ARMCX1: variants seen among roughly 807,000 people sequenced by gnomAD.
ARMCX1 encodes the protein armadillo repeat containing X-linked 1, also known as armadillo repeat-containing X-linked protein 1.
A neutral mutation model predicts 15.4 loss-of-function variants in ARMCX1; 4 were observed. That is an observed-to-expected ratio of 0.26 (90% CI 0.13 to 0.59). The LOEUF is 0.59. Among genes scored for constraint, ARMCX1 ranks in the 20% least tolerant of loss-of-function variants. ARMCX1 has a pLI of 0.89. For missense variants in ARMCX1, 273 were observed against 337.1 expected, an observed-to-expected ratio of 0.81 and a Z score of 1.49; for synonymous variants, 144 against 130.5, an observed-to-expected ratio of 1.10 and a Z score of -0.71.
chrX:101,552,721 G>A, intron 3 of ARMCX1, 88 bp from the exon 4 acceptor site: 1 of 392,972 alleles, frequency 2.5e-6, no homozygotes, highest in East Asian at 4.0e-5. Context: ...ATTTTTGTAC[G>A]TTTGTTTGTT....
chrX:101,553,696 A>G lies in ARMCX1; in HGVS notation c.766A>G (p.Ile256Val). The change falls in exon 4 of 4, where the codon ATA becomes GTA. Residue 256 changes from isoleucine to valine, a missense_variant. Around this residue, in one of 2 missense-constraint regions of ARMCX1, gnomAD observed 126 missense variants for 193.6 expected, o/e 0.65. Coordinates refer to ENST00000372829, the MANE Select transcript of ARMCX1 (RefSeq NM_016608.2). ...LGGVPIIAKL[I>V]KTKDPIIREK... ...TGGTGTCCCAATTATTGCAAAACTGATAAAAACAAAAGACCCCATAATTAG... is the reference window on the plus strand; with the variant it reads ...TGGTGTCCCAATTATTGCAAAACTGGTAAAAACAAAAGACCCCATAATTAG... 2 of 1,211,406 alleles carry G rather than the reference A, an allele frequency of 1.7e-6. No individual in the cohort carries two copies. Among genetic ancestry groups the G allele is most frequent in the Non-Finnish European group, 2.2e-6 (2 of 895,381 alleles).
Position 101,554,020 on chromosome X carries a change from C to T in ARMCX1, c.1090C>T (p.Leu364=), listed in dbSNP as rs1935409726. 8.3e-7 allele frequency: 1 copy of T among 1,211,236 alleles called. No individual in the cohort carries two copies. The highest frequency in any genetic ancestry group is 1.7e-5 in the African/African-American group (1 of 57,838). ...TGAAAATCCAGCCATGACAAGAGAGCTGGTCAGTTGTAAAGTACCATCAGA... is the reference window on the plus strand; with the variant it reads ...TGAAAATCCAGCCATGACAAGAGAGTTGGTCAGTTGTAAAGTACCATCAGA... ...FTENPAMTRE[L]VSCKVPSELI... is the part of the protein sequence containing the mutation. The change falls in exon 4 of 4, where the codon CTG becomes TTG. Residue 364 remains leucine (L), a synonymous_variant. Transcript: ENST00000372829.
chrX:101,553,163 C>T lies in ARMCX1; in HGVS notation c.233C>T (p.Pro78Leu). The T allele has an allele frequency of 5.0e-6, 6 of 1,211,890 alleles. No homozygotes were observed. Among genetic ancestry groups the T allele is most frequent in the Non-Finnish European group, 6.7e-6 (6 of 895,532 alleles). Residue 78 changes from proline (P) to leucine (L), a missense_variant, in exon 4 of 4, where the codon CCT (proline) becomes CTT (leucine). Physicochemically the swap from Pro to Leu is moderately conservative, Grantham distance 98. Transcript: ENST00000372829. ...AKLQGDSEVK[P>L]EVSLGLEDCP... Reference sequence around the variant, plus strand: ...CTTCAGGGTGATTCAGAGGTCAAGCCTGAGGTGAGTTTGGGACTCGAGGAT... The same window carrying T: ...CTTCAGGGTGATTCAGAGGTCAAGCTTGAGGTGAGTTTGGGACTCGAGGAT...
intron 3 of ARMCX1, among the ~76,000 whole-genome samples, chrX:101,552,283 G>A (rs1556027083): frequency 9.0e-6 from 1 of 110,594 alleles, no homozygotes; most frequent in Non-Finnish European, 1.9e-5. Context: ...TTCCAAAGCC[G>A]CAGCTCTGTG....
Position 101,554,461 on chromosome X carries a change from G to T in ARMCX1, c.*169G>T. 1 of 478,497 alleles carries T rather than the reference G, an allele frequency of 2.1e-6. No individual in the cohort carries two copies. The allele number at this position is 478,497 out of a possible 1,213,427, so 39.4% of individuals were successfully genotyped here. ...GTGACTGATGTTGGTTGTAATGGTT[G>T]GGTTTAGGATGAACCATTTTAAGGA... is the stretch of plus-strand genomic sequence containing the variant. On this transcript the variant is annotated 3_prime_UTR_variant, in exon 4 of 4. Transcript: ENST00000372829.
rs782733744 is a variant in ARMCX1 at position 101,553,437 on chromosome X, C to T, written c.507C>T (p.Ser169=). Residue 169 remains serine (S), a synonymous_variant, in exon 4 of 4, where the codon TCC becomes TCT. Coordinates refer to ENST00000372829, the MANE Select transcript of ARMCX1 (RefSeq NM_016608.2). ...CCGGGGGCAGGGCAAGTGGAAAATC[C>T]AAGGGAAAGGCCCGAAGTAAGAGCA... is the stretch of plus-strand genomic sequence containing the variant. ...SRAGGRASGK[S]KGKARSKSTR... 3.9e-5 allele frequency: 47 copies of T among 1,198,612 alleles called. 1 individual carries two copies. The Admixed American group carries it at 1.0e-3, about 26-fold the overall frequency.
In ARMCX1 at chrX:101,553,518, T is replaced by C. The variant is rs782561018; in HGVS notation, c.588T>C (p.Tyr196=). Residue 196 remains tyrosine, a synonymous_variant, in exon 4 of 4, where the codon TAT becomes TAC. Transcript: ENST00000372829. ...GGAGAGGCAAGTTCAACTTTCCTTA[T>C]AAAATTGATGATATTCTGAGTGCTC... ...PVRRGKFNFP[Y]KIDDILSAPD... 4.1e-6 allele frequency: 5 copies of C among 1,211,387 alleles called. No homozygotes were observed. Among genetic ancestry groups the C allele is most frequent in the Non-Finnish European group, 5.6e-6 (5 of 895,261 alleles).
Position 101,553,593 on chromosome X carries a change from T to G in ARMCX1, c.663T>G (p.Phe221Leu). The part of the protein sequence containing the change: ...LNILERTNDP[F>L]IQEVALVTLG... ...TCCTGGAGCGAACAAATGATCCTTT[T>G]ATTCAAGAAGTAGCCTTGGTCACTC... is the stretch of plus-strand genomic sequence containing the variant. The change falls in exon 4 of 4, where the codon TTT (phenylalanine) becomes TTG (leucine). Residue 221 changes from phenylalanine (F) to leucine (L), a missense_variant. By Grantham distance (22) the Phe-to-Leu change is conservative (BLOSUM62 0). Transcript: ENST00000372829. The G allele has an allele frequency of 1.7e-6, 2 of 1,211,830 alleles. No individual in the cohort carries two copies. The highest frequency in any genetic ancestry group is 3.5e-5 in the African/African-American group (2 of 57,913).
Position 101,553,717 on chromosome X carries a change from A to G in ARMCX1, c.787A>G (p.Ile263Val). 8.3e-7 allele frequency: 1 copy of G among 1,211,064 alleles called. No homozygotes were observed. The highest frequency in any genetic ancestry group is 1.1e-6 in the Non-Finnish European group (1 of 895,173). The change falls in exon 4 of 4, where the codon ATT becomes GTT. Residue 263 changes from isoleucine (I) to valine (V), a missense_variant. Coordinates refer to ENST00000372829, the MANE Select transcript of ARMCX1 (RefSeq NM_016608.2). The part of the protein sequence containing the change: ...AKLIKTKDPI[I>V]REKTYNALNN... The stretch of plus-strand genomic sequence containing the variant: ...ACTGATAAAAACAAAAGACCCCATA[A>G]TTAGGGAAAAGACTTACAATGCCCT...
Position 101,553,348 on chromosome X carries a change from C to A in ARMCX1, c.418C>A (p.Pro140Thr), listed in dbSNP as rs1935404033. The change falls in exon 4 of 4, where the codon CCG becomes ACG. Residue 140 changes from proline (P) to threonine (T), a missense_variant. Around this residue, in one of 2 missense-constraint regions of ARMCX1, gnomAD observed 147 missense variants for 143.5 expected, o/e 1.02. Coordinates refer to ENST00000372829, the MANE Select transcript of ARMCX1 (RefSeq NM_016608.2). ...GTISGNRTLA[P>T]SLPCPGGRGG... Reference sequence around the variant, plus strand: ...CATCTCTGGGAACAGGACCCTTGCACCGAGTTTACCCTGCCCAGGAGGCAG... The same window carrying A: ...CATCTCTGGGAACAGGACCCTTGCAACGAGTTTACCCTGCCCAGGAGGCAG... The A allele has an allele frequency of 1.7e-5, 20 of 1,193,250 alleles. No individual in the cohort carries two copies. Among genetic ancestry groups the A allele is most frequent in the Non-Finnish European group, 2.1e-5 (19 of 887,239 alleles).
intron 3 of ARMCX1, among the ~76,000 whole-genome samples, chrX:101,552,391 T>G (rs782727554): frequency 9.0e-6 from 1 of 110,623 alleles, no homozygotes; most frequent in Non-Finnish European, 1.9e-5. Flanking sequence ...CCGGGTGAGA[T>G]CTATATGTAC....
Position 101,553,339 on chromosome X carries a change from A to G in ARMCX1, c.409A>G (p.Thr137Ala). Residue 137 changes from threonine to alanine, a missense_variant, in exon 4 of 4, where the codon ACC becomes GCC. Coordinates refer to ENST00000372829, the MANE Select transcript of ARMCX1 (RefSeq NM_016608.2). ...GGTGGGTACCATCTCTGGGAACAGG[A>G]CCCTTGCACCGAGTTTACCCTGCCC... ...ARVGTISGNR[T>A]LAPSLPCPGG... 1 of 1,197,772 alleles carries G rather than the reference A, an allele frequency of 8.3e-7. No homozygotes were observed. Among genetic ancestry groups the G allele is most frequent in the Non-Finnish European group, 1.1e-6 (1 of 889,393 alleles).
At chrX:101,552,417 C>A (rs781878975) in intron 3 of ARMCX1, among the ~76,000 whole-genome samples, 1 of 111,195 alleles carries the variant, frequency 9.0e-6, no homozygotes. Flanking sequence ...GCTCTCAGTA[C>A]CCCTCTCCCC....
Position 101,554,023 on chromosome X carries a change from G to A in ARMCX1, c.1093G>A (p.Val365Ile). 8.3e-7 allele frequency: 1 copy of A among 1,211,344 alleles called. No individual in the cohort carries two copies. The highest frequency in any genetic ancestry group is 1.1e-6 in the Non-Finnish European group (1 of 895,236). ...AAATCCAGCCATGACAAGAGAGCTG[G>A]TCAGTTGTAAAGTACCATCAGAATT... ...TENPAMTREL[V>I]SCKVPSELIS... The change falls in exon 4 of 4, where the codon GTC becomes ATC. Residue 365 changes from valine to isoleucine, a missense_variant. This residue lies in a region of ARMCX1 where 126 missense variants were observed against 193.6 expected (regional missense o/e 0.65). Coordinates refer to ENST00000372829, the MANE Select transcript of ARMCX1 (RefSeq NM_016608.2).
At position 101,552,958 on chromosome X, in the gene ARMCX1, G is replaced by A; in HGVS notation, c.28G>A (p.Val10Met). The A allele has an allele frequency of 8.3e-7, 1 of 1,210,662 alleles. No individual in the cohort carries two copies. Among genetic ancestry groups the A allele is most frequent in the South Asian group, 1.8e-5 (1 of 56,685 alleles). Reference sequence around the variant, plus strand: ...GGGCCGCACTCGGGAAGCTGGCTGCGTGGCCGCTGGTGTGGTTATCGGGGC... The same window carrying A: ...GGGCCGCACTCGGGAAGCTGGCTGCATGGCCGCTGGTGTGGTTATCGGGGC... MGRTREAGC[V>M]AAGVVIGAGA... Residue 10 changes from valine (V) to methionine (M), a missense_variant, in exon 4 of 4, where the codon GTG becomes ATG. Physicochemically the swap from Val to Met is conservative, Grantham distance 21. Around this residue, in one of 2 missense-constraint regions of ARMCX1, gnomAD observed 147 missense variants for 143.5 expected, o/e 1.02. Coordinates refer to ENST00000372829, the MANE Select transcript of ARMCX1 (RefSeq NM_016608.2).
intron 3 of ARMCX1, among the ~76,000 whole-genome samples, chrX:101,551,837 G>A (rs1289046131): frequency 9.1e-6 from 1 of 109,325 alleles, no homozygotes; most frequent in Non-Finnish European, 1.9e-5. Context: ...GAGTCCAGGG[G>A]TTGGGAGGAC....
intron 3 of ARMCX1, among the ~76,000 whole-genome samples, chrX:101,552,453 G>A (rs1935392324): frequency 9.0e-6 from 1 of 111,350 alleles, no homozygotes; most frequent in Non-Finnish European, 1.9e-5. Context: ...AGGTTTGCAC[G>A]AAGCAGTGCA....
chrX:101,554,202 T>C lies in ARMCX1; in HGVS notation c.1272T>C (p.Ser424=). The C allele has an allele frequency of 8.3e-7, 1 of 1,208,291 alleles. No individual in the cohort carries two copies. The highest frequency in any genetic ancestry group is 1.1e-6 in the Non-Finnish European group (1 of 894,121). The change falls in exon 4 of 4, where the codon TCT becomes TCC. Residue 424 remains serine, a synonymous_variant. Transcript: ENST00000372829. ...CACTTTTTTTCTTATTCAAAGAGTC[T>C]GGAGTTTGTGTTAAGAAAATCAAAG... is the stretch of plus-strand genomic sequence containing the variant. ...RSSLFFLFKE[S]GVCVKKIKAL...
Position 101,553,168 on chromosome X carries a change from G to C in ARMCX1, c.238G>C (p.Val80Leu). The change falls in exon 4 of 4, where the codon GTG (valine) becomes CTG (leucine). Residue 80 changes from valine to leucine, a missense_variant. This residue lies in a region of ARMCX1 where 147 missense variants were observed against 143.5 expected (regional missense o/e 1.02). Transcript: ENST00000372829. ...GGGTGATTCAGAGGTCAAGCCTGAG[G>C]TGAGTTTGGGACTCGAGGATTGTCC... ...LQGDSEVKPE[V>L]SLGLEDCPGV... 1 of 1,212,105 alleles carries C rather than the reference G, an allele frequency of 8.3e-7. No homozygotes were observed. The highest frequency in any genetic ancestry group is 1.1e-6 in the Non-Finnish European group (1 of 895,590).
Sources: gnomAD v4.1 joint callset for allele counts (sites outside exome capture counted in the v4.1 genomes callset) on GRCh38, gnomAD v4.1.1 for gene constraint, gnomAD v4.1.1 regional missense constraint, MANE v1.5 for transcripts, NCBI Gene and HGNC (gene_info 2026-07-23, HGNC 2026-07-21) for gene names.